Variants in KCTD1 observed in about 807,000 individuals in gnomAD.
KCTD1 encodes BTB/POZ domain-containing protein KCTD1.
A neutral mutation model predicts 66.0 loss-of-function variants in KCTD1; 24 were observed. The ratio of observed to expected loss-of-function variants is 0.36; its 90% CI spans 0.26 to 0.51. The LOEUF (loss-of-function observed/expected upper bound fraction) is 0.51, where lower values mean the gene tolerates loss of function less well. KCTD1 is among the 20% of genes least tolerant of loss of function. The pLI, the probability that KCTD1 is intolerant of heterozygous loss-of-function variation, is 0.95. For missense variants in KCTD1, 943 were observed against 1,205.2 expected (o/e 0.78, Z 3.22); for synonymous variants, 511 against 517.2 (o/e 0.99, Z 0.16).
At chr18:26,534,949 A>G (rs1019674701) in intron 1 of KCTD1, among the ~76,000 whole-genome samples, 5 of 152,094 alleles carry the variant, frequency 3.3e-5, no homozygotes, top group African/African-American at 1.2e-4. Context: ...ATCTGTCATC[A>G]CCAGCAAAAG....
At chr18:26,537,528 T>G (rs758378491) in intron 1 of KCTD1, among the ~76,000 whole-genome samples, 19 of 152,220 alleles carry the variant, frequency 1.2e-4, no homozygotes, top group Non-Finnish European at 2.2e-4. Flanking sequence ...CCAATTATCT[T>G]AATTCTGTAG....
chr18:26,536,955 G>T (rs1194285461), intron 1 of KCTD1, among the ~76,000 whole-genome samples: 1 of 151,072 alleles, frequency 6.6e-6, no homozygotes, highest in African/African-American at 2.4e-5. Context: ...CACATTCCTG[G>T]ATCATTACCA....
At chr18:26,500,625 CA>C (rs1324533028) in intron 2 of KCTD1, among the ~76,000 whole-genome samples, 1 of 152,080 alleles carries the variant, frequency 6.6e-6, no homozygotes, top group Non-Finnish European at 1.5e-5. Flanking sequence ...CTTTTGCATA[CA>C]GATCTAAATA....
chr18:26,480,660 C>T (rs1169605014), intron 2 of KCTD1, among the ~76,000 whole-genome samples: 8 of 152,014 alleles, frequency 5.3e-5, no homozygotes, highest in African/African-American at 4.8e-5. Context: ...CCCAGCAACT[C>T]GGGAGGTTGA....
At chr18:26,532,532 G>A (rs935482868) in intron 1 of KCTD1, among the ~76,000 whole-genome samples, 83 of 152,046 alleles carry the variant, frequency 5.5e-4, no homozygotes, top group Non-Finnish European at 8.4e-4. Flanking sequence ...CCAAAGTGCC[G>A]GGGTTACAGG....
chr18:26,651,209 G>T (rs1279631629), intron 1 of KCTD1, among the ~76,000 whole-genome samples: 1 of 152,218 alleles, frequency 6.6e-6, no homozygotes, highest in African/African-American at 2.4e-5. Flanking sequence ...GGAAGCCGGT[G>T]GCAGAACAAG....
At chr18:26,540,161 A>G (rs953736963) in intron 1 of KCTD1, among the ~76,000 whole-genome samples, 1 of 152,160 alleles carries the variant, frequency 6.6e-6, no homozygotes, top group Admixed American at 6.5e-5. Flanking sequence ...ACATGAAGTA[A>G]AACTAGAAAT....
chr18:26,477,010 C>T (rs569722280), intron 2 of KCTD1: 1 of 180,026 alleles, frequency 5.6e-6, no homozygotes, highest in Admixed American at 6.3e-5. Flanking sequence ...AATGTTATTG[C>T]TCCAAAGCAT....
chr18:26,490,856 G>A (rs1982160652), intron 2 of KCTD1, among the ~76,000 whole-genome samples: 3 of 151,720 alleles, frequency 2.0e-5, no homozygotes, highest in Admixed American at 6.6e-5. Flanking sequence ...GGGCTCAAGC[G>A]ATTCTCATGC....
chr18:26,607,211 A>G (rs1987036815), intron 1 of KCTD1, among the ~76,000 whole-genome samples: 1 of 152,078 alleles, frequency 6.6e-6, no homozygotes, highest in Non-Finnish European at 1.5e-5. Flanking sequence ...ATTTAAAATA[A>G]TTTTTTTAGA....
At chr18:26,549,097 C>T (rs1008357774), upstream of KCTD1, 1 of 984,466 alleles carries the variant, frequency 1.0e-6, no homozygotes, top group African/African-American at 1.8e-5. Context: ...TGGGGCCGCC[C>T]GGAGCGGAGC....
chr18:26,576,508 C>T lies in KCTD1; in HGVS notation c.-16+52639G>A, dbSNP rs140536459. Reference sequence around the variant, plus strand: ...TTAATTTATTAATCTTTGCAAGTTGCTTTTAAGCTTTCAAGAGTTATACAT... The same window carrying T: ...TTAATTTATTAATCTTTGCAAGTTGTTTTTAAGCTTTCAAGAGTTATACAT... On this transcript the variant is annotated intron_variant, in intron 1 of 4. Coordinates refer to the KCTD1 transcript ENST00000317932. 3.9e-4 allele frequency among the ~76,000 whole-genome samples: 59 copies of T among 152,262 alleles called. 1 individual carries two copies. The East Asian group carries it at 0.011, about 28-fold the overall frequency.
chr18:26,528,189 G>A (rs944146803), intron 1 of KCTD1, among the ~76,000 whole-genome samples: 6 of 151,966 alleles, frequency 3.9e-5, no homozygotes, highest in African/African-American at 1.5e-4. Context: ...CTCAGCTTTT[G>A]TCTCCTACTC....
At chr18:26,511,427 T>G (rs944268863) in intron 1 of KCTD1, among the ~76,000 whole-genome samples, 2 of 152,180 alleles carry the variant, frequency 1.3e-5, no homozygotes, top group African/African-American at 2.4e-5. Flanking sequence ...CTCTAAAACA[T>G]TGCAAGAGCA....
intron 3 of KCTD1, among the ~76,000 whole-genome samples, chr18:26,473,427 G>A (rs1018865273): frequency 6.6e-6 from 1 of 152,028 alleles, no homozygotes; most frequent in African/African-American, 2.4e-5. Context: ...GGGGGAGGGA[G>A]AGCATTAGGA....
chr18:26,459,348 G>A (rs1980276788), intron 4 of KCTD1: 1 of 373,086 alleles, frequency 2.7e-6, no homozygotes, highest in Non-Finnish European at 4.8e-6. Flanking sequence ...CTTAGCCTCT[G>A]GAGTGGCTGG....
At chr18:26,604,604 G>A (rs1348651545) in intron 1 of KCTD1, among the ~76,000 whole-genome samples, 2 of 152,198 alleles carry the variant, frequency 1.3e-5, no homozygotes, top group African/African-American at 4.8e-5. Context: ...AAATGGAGCT[G>A]GAGGCTATTA....
At chr18:26,479,351 T>A (rs1443893321) in intron 2 of KCTD1, among the ~76,000 whole-genome samples, 1 of 150,486 alleles carries the variant, frequency 6.6e-6, no homozygotes, top group Non-Finnish European at 1.5e-5. Context: ...GGGGGTCCAG[T>A]CAAAGGGCAG....
chr18:26,493,248 A>T (rs2144657496), intron 2 of KCTD1, among the ~76,000 whole-genome samples: 1 of 152,326 alleles, frequency 6.6e-6, no homozygotes, highest in Non-Finnish European at 1.5e-5. Context: ...AAGCTCTGGC[A>T]GGGGTGCAAA....
Sources: gnomAD v4.1 joint callset for allele counts (sites outside exome capture counted in the v4.1 genomes callset) on GRCh38, gnomAD v4.1.1 for gene constraint, MANE v1.5 for transcripts, NCBI Gene and HGNC (gene_info 2026-07-23, HGNC 2026-07-21) for gene names.